Variants in ACAD11 observed in about 807,000 individuals in gnomAD.
The protein encoded by ACAD11 is acyl-Coenzyme A dehydrogenase family, member 11.
In ACAD11, 83 loss-of-function variants were observed where a neutral mutation model predicts 102.2. The ratio of observed to expected loss-of-function variants is 0.81; its 90% CI spans 0.68 to 0.97. The LOEUF (loss-of-function observed/expected upper bound fraction) is 0.97. Ranked by LOEUF, ACAD11 falls within the 50% of genes least tolerant of loss-of-function variation. The pLI is 0.00. For missense variants in ACAD11, 901 were observed against 951.7 expected, an observed-to-expected ratio of 0.95 and a Z score of 0.70; for synonymous variants, 324 against 319.8, an observed-to-expected ratio of 1.01 and a Z score of -0.14.
At chr3:132,640,424 G>A (rs896073692) in intron 4 of ACAD11, among the ~76,000 whole-genome samples, 1 of 152,018 alleles carries the variant, frequency 6.6e-6, no homozygotes, top group African/African-American at 2.4e-5. Context: ...ATTACCCACA[G>A]AATTTTCTAA....
intron 1 of ACAD11, 74 bp from the exon 2 acceptor site, chr3:132,644,970 G>T: frequency 1.1e-6 from 1 of 881,550 alleles, no homozygotes. Context: ...CTACTGAAAT[G>T]TCAGAAGAAA....
intron 2 of ACAD11, 75 bp from the exon 3 acceptor site, chr3:132,642,877 G>T: frequency 6.8e-7 from 1 of 1,465,606 alleles, no homozygotes. Context: ...CTACTTATGA[G>T]CTAATCTTAA....
chr3:132,561,420 T>C, intron 17 of ACAD11: 1 of 556,602 alleles, frequency 1.8e-6, no homozygotes, highest in Non-Finnish European at 3.3e-6. Flanking sequence ...TGCTTACAGT[T>C]AAAATTGAAA....
intron 13 of ACAD11, among the ~76,000 whole-genome samples, chr3:132,582,810 C>T (rs1412074312): frequency 3.3e-5 from 5 of 152,024 alleles, no homozygotes; most frequent in African/African-American, 4.8e-5. Flanking sequence ...CACCTTAAAC[C>T]GACTTAGAAC....
At chr3:132,572,681 G>C (rs518191) in intron 17 of ACAD11, among the ~76,000 whole-genome samples, 3 of 152,330 alleles carry the variant, frequency 2.0e-5, no homozygotes, top group Admixed American at 6.5e-5. Context: ...GCATGGTACT[G>C]TTACAAAAAC....
At chr3:132,565,139 A>G (rs2107780550) in intron 17 of ACAD11, among the ~76,000 whole-genome samples, 1 of 152,266 alleles carries the variant, frequency 6.6e-6, no homozygotes, top group African/African-American at 2.4e-5. Context: ...ATTGGCCCCC[A>G]CCACTCCTCA....
intron 12 of ACAD11, among the ~76,000 whole-genome samples, chr3:132,604,436 A>G (rs562240974): frequency 1.3e-5 from 2 of 152,316 alleles, no homozygotes; most frequent in South Asian, 4.1e-4. Context: ...CAGATAAAAG[A>G]GGAGTACTGT....
rs758333344 is a variant in ACAD11 at position 132,659,588 on chromosome 3, G to T, written c.149+15C>A. ...CAAATTTTTTTCCGCTGGAGGCAAA[G>T]GCTGACATCCATACCTGTACTGGGC... On this transcript the variant is annotated intron_variant, in intron 1 of 19. Transcript: ENST00000264990. 2.1e-5 allele frequency: 33 copies of T among 1,608,264 alleles called. No individual in the cohort carries two copies. The highest frequency in any genetic ancestry group is 2.6e-5 in the Non-Finnish European group (31 of 1,177,782).
At position 132,642,076 on chromosome 3, in the gene ACAD11, T is replaced by A. The variant is rs1433616828; in HGVS notation, c.433A>T (p.Ile145Leu). The A allele has an allele frequency of 1.2e-6, 2 of 1,614,096 alleles. No individual in the cohort carries two copies. The highest frequency in any genetic ancestry group is 2.2e-5 in the East Asian group (1 of 44,862). The change falls in exon 4 of 20, where the codon ATA becomes TTA. Residue 145 changes from isoleucine (I) to leucine (L), a missense_variant. Transcript: ENST00000264990. ...AATGTTTCTACCGTGGCCACATATA[T>A]GGCTGAACGTTCTGCTGGGCTAAGT... ...PGLSPAERSA[I>L]YVATVETLAQ...
At chr3:132,560,256 G>A (rs1469757950) in intron 18 of ACAD11, among the ~76,000 whole-genome samples, 3 of 152,204 alleles carry the variant, frequency 2.0e-5, no homozygotes, top group Admixed American at 6.5e-5. Flanking sequence ...GGGTCTTTGC[G>A]CTATTAATCA....
rs539452577 is a variant in ACAD11 at position 132,646,290 on chromosome 3, T to A, written c.150-1394A>T. 8 of 152,316 alleles carry A rather than the reference T, an allele frequency of 5.3e-5. No homozygotes were observed. The East Asian group carries it at 1.2e-3, about 22-fold the overall frequency. 9.4% of individuals were successfully genotyped at this position (152,316 alleles called of 1,614,324 possible). A position where few individuals can be genotyped will look rare whatever the true frequency, so the allele number is the denominator to read the frequency against. On this transcript the variant is annotated intron_variant, in intron 1 of 19. Coordinates refer to ENST00000264990, the MANE Select transcript of ACAD11 (RefSeq NM_032169.5). ...CAACGAATCTCACAAACACATTTTT[T>A]AAAAAATGCCAAACATCTGATTGGA... is the stretch of plus-strand genomic sequence containing the variant.
At chr3:132,644,306 C>CT (rs1384934420) in intron 2 of ACAD11, among the ~76,000 whole-genome samples, 19 of 152,132 alleles carry the variant, frequency 1.2e-4, no homozygotes, top group Non-Finnish European at 2.5e-4. Flanking sequence ...ACCTAGTTTT[C>CT]AACAAAAATC....
chr3:132,608,757 T>A (rs1273334734), intron 11 of ACAD11, among the ~76,000 whole-genome samples: 6 of 152,128 alleles, frequency 3.9e-5, no homozygotes, highest in African/African-American at 1.4e-4. Flanking sequence ...AACAAGGATA[T>A]TCAGGACTTG....
At chr3:132,610,532 A>G (rs1424533233) in intron 11 of ACAD11, among the ~76,000 whole-genome samples, 1 of 152,178 alleles carries the variant, frequency 6.6e-6, no homozygotes, top group South Asian at 2.1e-4. Context: ...AAAAAATGAC[A>G]AAGGGGATAT....
chr3:132,589,613 G>C (rs954936171), intron 13 of ACAD11, among the ~76,000 whole-genome samples: 1 of 152,184 alleles, frequency 6.6e-6, no homozygotes, highest in South Asian at 2.1e-4. Flanking sequence ...ATAATGCATT[G>C]TGTGGGCATA....
At chr3:132,626,633 C>A in intron 9 of ACAD11, 58 bp downstream of exon 9, 1 of 1,595,026 alleles carries the variant, frequency 6.3e-7, no homozygotes, top group South Asian at 1.1e-5. Context: ...GCAGAAATAA[C>A]AAAAGTATTC....
At chr3:132,631,568 C>T (rs1434113516) in intron 5 of ACAD11, 89 bp from the exon 6 acceptor site, 1 of 1,039,966 alleles carries the variant, frequency 9.6e-7, no homozygotes, top group Non-Finnish European at 1.3e-6. Context: ...CATTCAAAAT[C>T]ATGTTTTCCA....
intron 1 of ACAD11, among the ~76,000 whole-genome samples, chr3:132,649,318 G>A (rs1019294894): frequency 1.3e-5 from 2 of 152,194 alleles, no homozygotes; most frequent in African/African-American, 4.8e-5. Flanking sequence ...TGAATGTCTC[G>A]GTATAAAACC....
Position 132,559,003 on chromosome 3 carries a change from C to G in ACAD11, c.2311G>C (p.Asp771His). 1 of 1,613,634 alleles carries G rather than the reference C, an allele frequency of 6.2e-7. No individual in the cohort carries two copies. The highest frequency in any genetic ancestry group is 8.5e-7 in the Non-Finnish European group (1 of 1,179,730). The change falls in exon 20 of 20, where the codon GAC becomes CAC. Residue 771 changes from aspartate to histidine, a missense_variant. Physicochemically the swap from Asp to His is moderately conservative, Grantham distance 81. Transcript: ENST00000264990. ...LSAIATMELR[D>H]QAKRLTAKI ...TTGGCTGTCAGTCTTTTGGCTTGGT[C>G]CCGCAGCTCCATTGTTGCGATTGCT...
Sources: gnomAD v4.1 joint callset for allele counts (sites outside exome capture counted in the v4.1 genomes callset) on GRCh38, gnomAD v4.1.1 for gene constraint, MANE v1.5 for transcripts, NCBI Gene and HGNC (gene_info 2026-07-23, HGNC 2026-07-21) for gene names.